FANK1: variants seen among roughly 807,000 people sequenced by gnomAD.
The protein encoded by FANK1 is fibronectin type 3 and ankyrin repeat domains protein 1.
Under a neutral mutation model 45.3 loss-of-function variants are expected in FANK1, and 44 were observed. That is an observed-to-expected ratio of 0.97 (90% CI 0.76 to 1.25). The LOEUF is 1.25. FANK1 is among the 50% of genes most tolerant of loss of function. FANK1 has a pLI of 0.00. For missense variants in FANK1, 391 were observed against 424.4 expected, an observed-to-expected ratio of 0.92 and a Z score of 0.69; for synonymous variants, 149 against 152.5, an observed-to-expected ratio of 0.98 and a Z score of 0.17.
chr10:125,947,120 A>G (rs1198143705), intron 1 of FANK1, among the ~76,000 whole-genome samples: 78 of 151,054 alleles, frequency 5.2e-4, no homozygotes, highest in Middle Eastern at 3.4e-3. Flanking sequence ...GAAGCGCTAA[A>G]CATGGAAAGG....
At chr10:125,975,305 A>G (rs183485217) in intron 1 of FANK1, among the ~76,000 whole-genome samples, 9 of 152,342 alleles carry the variant, frequency 5.9e-5, no homozygotes, top group Non-Finnish European at 1.3e-4. Context: ...TGCAGTGAAC[A>G]TTCACATGCA....
intron 1 of FANK1, among the ~76,000 whole-genome samples, chr10:125,941,621 T>C (rs1948458033): frequency 6.6e-6 from 1 of 152,346 alleles, no homozygotes; most frequent in South Asian, 2.1e-4. Context: ...TGGTCTGCAG[T>C]AGCAAAAACC....
At chr10:126,001,210 G>A (rs1024883088) in intron 6 of FANK1, among the ~76,000 whole-genome samples, 4 of 152,084 alleles carry the variant, frequency 2.6e-5, no homozygotes, top group South Asian at 2.1e-4. Context: ...CAACTGAAAT[G>A]TCTGACAATA....
rs1454896999 is a variant in FANK1, at chr10:125,983,957, T to G, written c.191+3619T>G. 1.3e-5 allele frequency among the ~76,000 whole-genome samples: 2 copies of G among 151,952 alleles called. No homozygotes were observed. Among genetic ancestry groups the G allele is most frequent in the Admixed American group, 1.3e-4 (2 of 15,264 alleles). On this transcript the variant is annotated intron_variant, in intron 2 of 10. Coordinates refer to ENST00000368693, the MANE Select transcript of FANK1 (RefSeq NM_145235.5). This position sits in a 1 kb window ranked among gnomAD's most constrained non-coding sequence, Gnocchi z 4.3. Reference sequence around the variant, plus strand: ...GAAGAAGCTTTTGAAACAGTTTAGGTGGGAGACAACACAACAGTGTGGAAA... The same window carrying G: ...GAAGAAGCTTTTGAAACAGTTTAGGGGGGAGACAACACAACAGTGTGGAAA...
chr10:125,982,416 G>A (rs914111087), intron 2 of FANK1, among the ~76,000 whole-genome samples: 3 of 152,238 alleles, frequency 2.0e-5, no homozygotes, highest in Admixed American at 2.0e-4. Flanking sequence ...GCATTGTGGG[G>A]CTGGCAGTGA....
chr10:125,956,204 G>GGA (rs1554930982), intron 1 of FANK1, among the ~76,000 whole-genome samples: 1 of 146,180 alleles, frequency 6.8e-6, no homozygotes, highest in Non-Finnish European at 1.5e-5. Flanking sequence ...ACATTTTTTG[G>GGA]GGGGGGGGCG....
chr10:125,920,205 C>T (rs200201882), intron 1 of FANK1, among the ~76,000 whole-genome samples: 7 of 152,080 alleles, frequency 4.6e-5, no homozygotes, highest in East Asian at 3.9e-4. Context: ...TGACATAGGC[C>T]GAAAAAATTG....
intron 3 of FANK1, among the ~76,000 whole-genome samples, chr10:125,992,404 G>C (rs776473156): frequency 5.9e-5 from 9 of 152,114 alleles, no homozygotes; most frequent in Non-Finnish European, 1.2e-4. Flanking sequence ...GGACGATTAA[G>C]GAGTTAACAC....
At chr10:125,993,724 G>A (rs1249732615) in intron 3 of FANK1, among the ~76,000 whole-genome samples, 2 of 152,136 alleles carry the variant, frequency 1.3e-5, no homozygotes, top group African/African-American at 4.8e-5. Context: ...ACAGGTTATC[G>A]TGCGACTTTT....
chr10:125,988,792 T>G (rs1307728304), intron 3 of FANK1, 117 bp downstream of exon 3: 8 of 1,480,198 alleles, frequency 5.4e-6, no homozygotes, highest in Non-Finnish European at 9.4e-7. Flanking sequence ...TGATACAATT[T>G]TTAAACACTG....
chr10:125,956,599 G>A (rs1414227659), intron 1 of FANK1, among the ~76,000 whole-genome samples: 1 of 152,100 alleles, frequency 6.6e-6, no homozygotes, highest in Non-Finnish European at 1.5e-5. Context: ...TATTGTATAG[G>A]TTTTTAATAG....
In FANK1 at chr10:125,901,777, T is replaced by C. The variant is rs899000082; in HGVS notation, c.13+5122T>C. On this transcript the variant is annotated intron_variant, in intron 1 of 10. Coordinates refer to ENST00000368693, the MANE Select transcript of FANK1 (RefSeq NM_145235.5). ...CCCCTCTCTGATGTTATTCTATCTC[T>C]GCGCTTTTCTCTTAATAGTAATAAT... Among the ~76,000 whole-genome samples, 6 of 152,238 alleles carry C rather than the reference T, an allele frequency of 3.9e-5. No individual in the cohort carries two copies. The East Asian group carries it at 9.6e-4, about 24-fold the overall frequency.
chr10:125,925,270 C>A (rs1438318393), intron 1 of FANK1, among the ~76,000 whole-genome samples: 5 of 152,248 alleles, frequency 3.3e-5, no homozygotes, highest in East Asian at 1.9e-4. Flanking sequence ...GCATATGATT[C>A]AAAAAATATA....
At chr10:125,906,787 G>A (rs1945560761) in intron 1 of FANK1, among the ~76,000 whole-genome samples, 1 of 152,108 alleles carries the variant, frequency 6.6e-6, no homozygotes, top group African/African-American at 2.4e-5. Flanking sequence ...CATGTAGACT[G>A]AACCAGTCCC....
intron 3 of FANK1, among the ~76,000 whole-genome samples, chr10:125,992,110 T>C (rs1195098385): frequency 2.0e-5 from 3 of 152,206 alleles, no homozygotes; most frequent in Non-Finnish European, 4.4e-5. Flanking sequence ...CAGTTGCACT[T>C]ATTGATGGCA....
intron 6 of FANK1, among the ~76,000 whole-genome samples, chr10:126,000,316 G>T (rs939017866): frequency 1.3e-5 from 2 of 152,184 alleles, no homozygotes; most frequent in African/African-American, 4.8e-5. Flanking sequence ...AAGGAAGAAT[G>T]TGGAAGGACT....
chr10:125,972,879 C>T (rs986651256), intron 1 of FANK1: 2 of 147,762 alleles, frequency 1.4e-5, no homozygotes, highest in Non-Finnish European at 2.9e-5. Context: ...ACATTTGGAT[C>T]ACTACCTGCC....
chr10:125,983,053 TCA>T lies in FANK1; in HGVS notation c.191+2718_191+2719del, dbSNP rs1951325494. Among the ~76,000 whole-genome samples, 4 of 152,118 alleles carry T rather than the reference TCA, an allele frequency of 2.6e-5. No individual in the cohort carries two copies. ...TCCTTAGACTAACATTTAATGTCTT[TCA>T]CAGTTTCCCTACACCTGCCTTTCTT... On this transcript the variant is annotated intron_variant, in intron 2 of 10. Transcript: ENST00000368693. The surrounding 1 kb of genome is among the most constrained non-coding windows in gnomAD (Gnocchi z 4.3).
chr10:125,904,241 A>C (rs1945293131), intron 1 of FANK1, among the ~76,000 whole-genome samples: 1 of 152,200 alleles, frequency 6.6e-6, no homozygotes, highest in South Asian at 2.1e-4. Context: ...AGCAGAAACA[A>C]ATTAAAAGGT....
Sources: gnomAD v4.1 joint callset for allele counts (sites outside exome capture counted in the v4.1 genomes callset) on GRCh38, gnomAD v4.1.1 for gene constraint, Gnocchi (gnomAD v3.1) non-coding constraint, MANE v1.5 for transcripts, NCBI Gene and HGNC (gene_info 2026-07-23, HGNC 2026-07-21) for gene names.